ANKUB1: variants seen among roughly 807,000 people sequenced by gnomAD.
The protein encoded by ANKUB1 is ankyrin repeat and ubiquitin domain containing 1, also known as protein ANKUB1.
Under a neutral mutation model 49.3 loss-of-function variants are expected in ANKUB1, and 42 were observed. The ratio of observed to expected loss-of-function variants is 0.85; its 90% confidence interval spans 0.67 to 1.10. The LOEUF (loss-of-function observed/expected upper bound fraction) is 1.10, where lower values mean the gene tolerates loss of function less well. Ranked by LOEUF, ANKUB1 falls within the 50% of genes least tolerant of loss-of-function variation. The pLI, the probability that ANKUB1 is intolerant of heterozygous loss-of-function variation, is 0.00. For synonymous variants in ANKUB1, 222 were observed against 231.0 expected, an observed-to-expected ratio of 0.96 and a Z score of 0.35; for missense variants, 613 against 642.0, an observed-to-expected ratio of 0.95 and a Z score of 0.49.
chr3:149,766,817 AAGCAGCAGCAGCAGC>A lies in ANKUB1; in HGVS notation c.1505+325_1505+339del, dbSNP rs11268295. 5,929 of 900,426 alleles carry A rather than the reference AAGCAGCAGCAGCAGC, an allele frequency of 6.6e-3. 307 individuals are homozygous for A. Among genetic ancestry groups the A allele is most frequent in the East Asian group, 0.012 (444 of 35,706 alleles). The allele number at this position is 900,426 out of a possible 1,614,324, so 55.8% of individuals were successfully genotyped here. A position where few individuals can be genotyped will look rare whatever the true frequency, so the allele number is the denominator to read the frequency against. Reference sequence around the variant, plus strand: ...TGTCTCAAACAAAAAGAAAAAAGAAAAGCAGCAGCAGCAGCAGCAGCAGCAGCAGCAGCAGCAGCA... The same window carrying A: ...TGTCTCAAACAAAAAGAAAAAAGAAAAGCAGCAGCAGCAGCAGCAGCAGCA... On this transcript the variant is annotated intron_variant, in intron 5 of 5. Transcript: ENST00000446160.
intron 3 of ANKUB1, among the ~76,000 whole-genome samples, chr3:149,773,532 A>G (rs991035306): frequency 1.3e-5 from 2 of 152,186 alleles, no homozygotes; most frequent in African/African-American, 4.8e-5. Context: ...ACCTTGATAA[A>G]CATTTTCCAA....
In ANKUB1 at chr3:149,776,944, T is replaced by C. The variant is rs554510152; in HGVS notation, c.451+3295A>G. 1.3e-3 allele frequency among the ~76,000 whole-genome samples: 198 copies of C among 150,622 alleles called. 3 individuals carry two copies. The highest frequency in any genetic ancestry group is 4.0e-3 in the African/African-American group (163 of 40,528). ...GTAAGCTGAGGTTGTGCCACTGCAT[T>C]CCAGCCTGGGTGATGGAGTGAGACC... is the stretch of plus-strand genomic sequence containing the variant. On this transcript the variant is annotated intron_variant, in intron 3 of 5. Coordinates refer to ENST00000446160, the MANE Select transcript of ANKUB1 (RefSeq NM_001144960.3).
chr3:149,769,666 A>T (rs1717237385), intron 4 of ANKUB1, among the ~76,000 whole-genome samples: 1 of 152,240 alleles, frequency 6.6e-6, no homozygotes, highest in South Asian at 2.1e-4. Context: ...TGTACTGTTG[A>T]ATATATCCTA....
chr3:149,790,546 G>GT (rs1198899445), intron 2 of ANKUB1, among the ~76,000 whole-genome samples: 1 of 152,178 alleles, frequency 6.6e-6, no homozygotes, highest in Non-Finnish European at 1.5e-5. Context: ...GCAATAAAGG[G>GT]TGTGGGGAGG....
Position 149,767,722 on chromosome 3 carries a change from T to C in ANKUB1, c.940A>G (p.Ile314Val), listed in dbSNP as rs1717112762. 2.6e-6 allele frequency: 4 copies of C among 1,551,650 alleles called. No individual in the cohort carries two copies. The highest frequency in any genetic ancestry group is 1.2e-5 in the South Asian group (1 of 84,046). ...PKISVPMRIY[I>V]KIKQWILRAQ... ...CTGAGGATCCATTGTTTTATTTTAATATAAATCCTCATTGGGACTGAAATT... is the reference window on the plus strand; with the variant it reads ...CTGAGGATCCATTGTTTTATTTTAACATAAATCCTCATTGGGACTGAAATT... Residue 314 changes from isoleucine (I) to valine (V), a missense_variant, in exon 5 of 6, where the codon ATT becomes GTT. Physicochemically the swap from Ile to Val is conservative, Grantham distance 29. Coordinates refer to ENST00000446160, the MANE Select transcript of ANKUB1 (RefSeq NM_001144960.3).
At chr3:149,774,937 C>T (rs1025823105) in intron 3 of ANKUB1, among the ~76,000 whole-genome samples, 4 of 152,172 alleles carry the variant, frequency 2.6e-5, no homozygotes, top group Admixed American at 2.6e-4. Context: ...AAACCTATTA[C>T]TGAAGAGAGA....
chr3:149,779,371 T>G (rs1376987537), intron 3 of ANKUB1: 1 of 152,134 alleles, frequency 6.6e-6, no homozygotes. Context: ...CATCTCACTA[T>G]GTTGCCTAGG....
chr3:149,782,899 A>C (rs1717931546), intron 2 of ANKUB1, among the ~76,000 whole-genome samples: 2 of 152,192 alleles, frequency 1.3e-5, no homozygotes, highest in Non-Finnish European at 2.9e-5. Context: ...ACTAATTATT[A>C]ATGAAGCCAG....
chr3:149,790,905 A>G lies in ANKUB1; in HGVS notation c.110T>C (p.Leu37Pro). ...LMIKDYFHIP[L>P]SEDKQGRRYL... ...CCGCCTGCCTTGTTTGTCTTCAGAGAGAGGAATGTGGAAATAATCCTTAAA... is the reference window on the plus strand; with the variant it reads ...CCGCCTGCCTTGTTTGTCTTCAGAGGGAGGAATGTGGAAATAATCCTTAAA... The change falls in exon 2 of 6, where the codon CTC (leucine) becomes CCC (proline). Residue 37 changes from leucine to proline, a missense_variant. Physicochemically the swap from Leu to Pro is moderately conservative, Grantham distance 98 (BLOSUM62 -3). Coordinates refer to ENST00000446160, the MANE Select transcript of ANKUB1 (RefSeq NM_001144960.3). 6.4e-7 allele frequency: 1 copy of G among 1,551,874 alleles called. No individual in the cohort carries two copies. Among genetic ancestry groups the G allele is most frequent in the Non-Finnish European group, 8.7e-7 (1 of 1,146,984 alleles).
chr3:149,782,001 C>G (rs1158735567), intron 2 of ANKUB1, among the ~76,000 whole-genome samples: 1 of 151,970 alleles, frequency 6.6e-6, no homozygotes, highest in Non-Finnish European at 1.5e-5. Context: ...TCCTATGGTT[C>G]CATAAGGGAA....
At position 149,767,259 on chromosome 3, in the gene ANKUB1, G is replaced by A; in HGVS notation, c.1403C>T (p.Thr468Ile). Reference protein sequence around the residue: ...GYSHPSFFYATPSADFLLKSS... With the variant: ...GYSHPSFFYAIPSADFLLKSS... ...CTTCAGTAAAAAGTCAGCACTGGGT[G>A]TTGCATAGAAAAACGATGGATGTGA... The change falls in exon 5 of 6, where the codon ACA becomes ATA. Residue 468 changes from threonine (T) to isoleucine (I), a missense_variant. Thr to Ile is a moderately conservative substitution (Grantham distance 89). Coordinates refer to ENST00000446160, the MANE Select transcript of ANKUB1 (RefSeq NM_001144960.3). The A allele has an allele frequency of 1.3e-6, 2 of 1,551,682 alleles. No individual in the cohort carries two copies. The highest frequency in any genetic ancestry group is 1.7e-6 in the Non-Finnish European group (2 of 1,146,976).
rs767993672 is a variant in ANKUB1, at chr3:149,767,501, G to T, written c.1161C>A (p.Ser387Arg). The T allele has an allele frequency of 6.4e-7, 1 of 1,551,684 alleles. No homozygotes were observed. Among genetic ancestry groups the T allele is most frequent in the East Asian group, 2.4e-5 (1 of 40,914 alleles). The change falls in exon 5 of 6, where the codon AGC becomes AGA. Residue 387 changes from serine to arginine, a missense_variant. By Grantham distance (110) the Ser-to-Arg change is moderately radical. Coordinates refer to ENST00000446160, the MANE Select transcript of ANKUB1 (RefSeq NM_001144960.3). Reference sequence around the variant, plus strand: ...AAATTGCCAAAGGATTGACAGGTTTGCTGCTTGCAGTTTGTTTGCTGAGAG... The same window carrying T: ...AAATTGCCAAAGGATTGACAGGTTTTCTGCTTGCAGTTTGTTTGCTGAGAG... ...LPSLSKQTAS[S>R]KPVNPLAISQ...
rs1455212874 is a variant in ANKUB1 at position 149,761,549 on chromosome 3, T to C, written c.1570A>G (p.Ile524Val). Residue 524 changes from isoleucine to valine, a missense_variant, in exon 6 of 6, where the codon ATT becomes GTT. Physicochemically the swap from Ile to Val is conservative, Grantham distance 29. Coordinates refer to ENST00000446160, the MANE Select transcript of ANKUB1 (RefSeq NM_001144960.3). ...EIARVLAKKS[I>V]SNLTTRGGLT... ...CCTCCTCGGGTAGTCAAGTTAGAAA[T>C]GCTCTTTTTGGCCAGGACTCTTGCT... is the stretch of plus-strand genomic sequence containing the variant. 1.2e-5 allele frequency: 18 copies of C among 1,551,346 alleles called. No individual in the cohort carries two copies. The highest frequency in any genetic ancestry group is 2.0e-5 in the Admixed American group (1 of 50,976).
intron 3 of ANKUB1, among the ~76,000 whole-genome samples, chr3:149,775,852 A>G (rs1245025609): frequency 1.3e-5 from 2 of 152,110 alleles, no homozygotes; most frequent in African/African-American, 4.8e-5. Context: ...AAGCAGGTCT[A>G]AAATGAGCAT....
At chr3:149,765,114 T>C (rs1716957812) in intron 5 of ANKUB1, among the ~76,000 whole-genome samples, 1 of 152,218 alleles carries the variant, frequency 6.6e-6, no homozygotes, top group Non-Finnish European at 1.5e-5. Context: ...TATGGAATAC[T>C]GCATACAAAT....
chr3:149,767,312 G>C lies in ANKUB1; in HGVS notation c.1350C>G (p.Pro450=). The change falls in exon 5 of 6, where the codon CCC becomes CCG. Residue 450 remains proline, a synonymous_variant. Coordinates refer to ENST00000446160, the MANE Select transcript of ANKUB1 (RefSeq NM_001144960.3). ...ATCCCACTCTTGAAACTGGAGGGAGGGGGACTTGGGGAAGATATGTGTTTT... is the reference window on the plus strand; with the variant it reads ...ATCCCACTCTTGAAACTGGAGGGAGCGGGACTTGGGGAAGATATGTGTTTT... The part of the protein sequence containing the change: ...LIKNTYLPQV[P]LPPVSRVGYS... 1 of 1,551,518 alleles carries C rather than the reference G, an allele frequency of 6.4e-7. No individual in the cohort carries two copies. Among genetic ancestry groups the C allele is most frequent in the Admixed American group, 2.0e-5 (1 of 50,966 alleles).
chr3:149,772,048 G>A (rs1440803510), intron 3 of ANKUB1, among the ~76,000 whole-genome samples: 19 of 141,688 alleles, frequency 1.3e-4, no homozygotes, highest in African/African-American at 4.2e-4. Context: ...TTTTTTAGAC[G>A]GAGTCTTTCT....
chr3:149,788,906 G>T (rs1718232539), intron 2 of ANKUB1, among the ~76,000 whole-genome samples: 1 of 151,918 alleles, frequency 6.6e-6, no homozygotes, highest in Non-Finnish European at 1.5e-5. Context: ...CTCCTGAGTA[G>T]ATGGGATTAC....
At chr3:149,768,230 G>T (rs73868080) in intron 4 of ANKUB1, 135 bp from the exon 5 acceptor site, 2 of 690,508 alleles carry the variant, frequency 2.9e-6, no homozygotes, top group African/African-American at 3.6e-5. Context: ...AATATTTTTA[G>T]AAAAGGCATA....
Sources: allele counts gnomAD v4.1 joint callset (sites outside exome capture counted in the v4.1 genomes callset), GRCh38; gene constraint gnomAD v4.1.1; transcripts MANE v1.5; gene names NCBI Gene and HGNC (gene_info 2026-07-23, HGNC 2026-07-21).